Variants in SHD observed in about 807,000 individuals in gnomAD.
SHD encodes SH2 domain-containing adapter protein D.
SHD carries 29 observed loss-of-function variants against 31.2 expected under a neutral mutation model. That is an observed-to-expected ratio of 0.93 (90% confidence interval 0.69 to 1.27). The LOEUF (loss-of-function observed/expected upper bound fraction) is 1.27, where lower values mean the gene tolerates loss of function less well. SHD is among the 50% of genes most tolerant of loss of function. SHD has a pLI of 0.00. For synonymous variants in SHD, 208 were observed against 187.8 expected (o/e 1.11, Z -0.88); for missense variants, 520 against 453.8 (o/e 1.15, Z -1.33).
At position 4,279,884 on chromosome 19, in the gene SHD, T is replaced by G. The variant is rs1971238343; in HGVS notation, c.-180T>G. On this transcript the variant is annotated 5_prime_UTR_variant, in exon 1 of 6. Coordinates refer to ENST00000543264, the MANE Select transcript of SHD (RefSeq NM_020209.4). The surrounding 1 kb of genome is among the most constrained non-coding windows in gnomAD (Gnocchi z 7.5). ...TGTCGCCTCCTTTTCCTCCCCCTCG[T>G]TCACCTTTTCCTTCCCTCTATCCAT... 1.4e-6 allele frequency: 1 copy of G among 705,518 alleles called. No homozygotes were observed. The highest frequency in any genetic ancestry group is 2.3e-6 in the Non-Finnish European group (1 of 438,146). The allele number at this position is 705,518 out of a possible 1,614,324, so 43.7% of individuals were successfully genotyped here. A position where few individuals can be genotyped will look rare whatever the true frequency, so the allele number is the denominator to read the frequency against.
chr19:4,280,255 G>A lies in SHD; in HGVS notation c.192G>A (p.Lys64=), dbSNP rs1971243754. The change falls in exon 1 of 6, where the codon AAG becomes AAA. Residue 64 remains lysine (K), a synonymous_variant. Transcript: ENST00000543264. ...ACCCCGCGGGCCCTGGGGACTCCAA[G>A]AACCCCGGAGATGCCAAGTATGGTT... ...EPDPAGPGDS[K]NPGDAKYGSP... is the part of the protein sequence containing the mutation. 6.2e-7 allele frequency: 1 copy of A among 1,613,660 alleles called. No individual in the cohort carries two copies. Among genetic ancestry groups the A allele is most frequent in the African/African-American group, 1.3e-5 (1 of 75,050 alleles).
Position 4,279,504 on chromosome 19 carries a change from C to T in SHD, c.-560C>T, listed in dbSNP as rs1971232945. The T allele has an allele frequency of 6.6e-6, 1 of 152,348 alleles. No homozygotes were observed. The highest frequency in any genetic ancestry group is 6.5e-5 in the Admixed American group (1 of 15,286). The allele number at this position is 152,348 out of a possible 1,614,324, so 9.4% of individuals were successfully genotyped here. On this transcript the variant is annotated 5_prime_UTR_variant, in exon 1 of 6. Coordinates refer to ENST00000543264, the MANE Select transcript of SHD (RefSeq NM_020209.4). The surrounding 1 kb of genome is among the most constrained non-coding windows in gnomAD (Gnocchi z 7.5). ...GAGAGGAGCGCGACAAAGGATGCGT[C>T]CCGCCGGGGTCACAGTCTCCGCGGC...
At chr19:4,285,163 C>T (rs1377421609) in intron 4 of SHD, among the ~76,000 whole-genome samples, 1 of 152,196 alleles carries the variant, frequency 6.6e-6, no homozygotes, top group Non-Finnish European at 1.5e-5. Flanking sequence ...CTCTCCTCTC[C>T]TGGCTGTGTA....
In SHD at chr19:4,284,860, G is replaced by A. The variant is rs1333224090; in HGVS notation, c.672G>A (p.Gln224=). The change falls in exon 4 of 6, where the codon CAG becomes CAA. Residue 224 remains glutamine (Q), a synonymous_variant. Transcript: ENST00000543264. Reference sequence around the variant, plus strand: ...GGAGACCTCCGCCCAGAAGCCCCCAGCCTGCGGAGCGTGTGGACCCAGCCC... The same window carrying A: ...GGAGACCTCCGCCCAGAAGCCCCCAACCTGCGGAGCGTGTGGACCCAGCCC... ...ELRRPPPRSP[Q]PAERVDPALP... 6.2e-7 allele frequency: 1 copy of A among 1,612,548 alleles called. No homozygotes were observed. Among genetic ancestry groups the A allele is most frequent in the Non-Finnish European group, 8.5e-7 (1 of 1,179,566 alleles).
chr19:4,282,560 C>G, intron 1 of SHD, among the ~76,000 whole-genome samples: 1 of 151,826 alleles, frequency 6.6e-6, no homozygotes, highest in Non-Finnish European at 1.5e-5. Context: ...CCCATCTCTA[C>G]AAAAAGTTAG....
chr19:4,284,888 C>A lies in SHD; in HGVS notation c.700C>A (p.Pro234Thr), dbSNP rs527426050. 1.2e-6 allele frequency: 2 copies of A among 1,601,212 alleles called. No individual in the cohort carries two copies. The highest frequency in any genetic ancestry group is 1.7e-6 in the Non-Finnish European group (2 of 1,172,572). The stretch of plus-strand genomic sequence containing the variant: ...TGCGGAGCGTGTGGACCCAGCCCTG[C>A]CCCTGGAGAAACAGCCGTGAGTGGG... ...QPAERVDPAL[P>T]LEKQPWFHGP... The change falls in exon 4 of 6, where the codon CCC (proline) becomes ACC (threonine). Residue 234 changes from proline (P) to threonine (T), a missense_variant. Transcript: ENST00000543264.
In SHD at chr19:4,280,298, A is replaced by G. The variant is rs1971244405; in HGVS notation, c.235A>G (p.Ile79Val). 1.2e-6 allele frequency: 2 copies of G among 1,609,788 alleles called. No individual in the cohort carries two copies. The highest frequency in any genetic ancestry group is 1.1e-5 in the South Asian group (1 of 90,384). The change falls in exon 1 of 6, where the codon ATC becomes GTC. Residue 79 changes from isoleucine to valine, a missense_variant. Transcript: ENST00000543264. ...AKYGSPKHRL[I>V]KVEAADMARA... ...GTATGGTTCTCCCAAGCACCGGCTC[A>G]TCAAGGTGGAGGCTGCGGATATGGC...
chr19:4,285,045 A>G, intron 4 of SHD, 141 bp downstream of exon 4: 3 of 1,087,806 alleles, frequency 2.8e-6, no homozygotes, highest in Non-Finnish European at 3.7e-6. Context: ...TCTTCAGCTA[A>G]TCTTTACGGG....
Position 4,290,633 on chromosome 19 carries a change from A to C in SHD, c.1023A>C (p.Ter341CysextTer2), listed in dbSNP as rs1971369473. The change falls in exon 6 of 6, where the codon TGA (stop) becomes TGC (cysteine). Residue 341 changes from the stop codon to cysteine, a stop_lost. Coordinates refer to ENST00000543264, the MANE Select transcript of SHD (RefSeq NM_020209.4). ...LLYPVVTQTP[*>C] ...ACCCCGTGGTCACGCAGACCCCCTG[A>C]CAGTGACCCTCGGCCCCCTTTTGAG... is the stretch of plus-strand genomic sequence containing the variant. 1.3e-6 allele frequency: 2 copies of C among 1,593,522 alleles called. No individual in the cohort carries two copies. Among genetic ancestry groups the C allele is most frequent in the African/African-American group, 1.3e-5 (1 of 74,412 alleles).
chr19:4,282,280 T>G (rs1009414551), intron 1 of SHD, among the ~76,000 whole-genome samples: 27 of 151,382 alleles, frequency 1.8e-4, no homozygotes, highest in Middle Eastern at 3.4e-3. Flanking sequence ...ATTAGCCAGG[T>G]TTGGTGGCCG....
At position 4,280,275 on chromosome 19, in the gene SHD, A is replaced by G; in HGVS notation, c.212A>G (p.Tyr71Cys). The G allele has an allele frequency of 6.2e-7, 1 of 1,613,124 alleles. No individual in the cohort carries two copies. Among genetic ancestry groups the G allele is most frequent in the African/African-American group, 1.3e-5 (1 of 75,030 alleles). The change falls in exon 1 of 6, where the codon TAT (tyrosine) becomes TGT (cysteine). Residue 71 changes from tyrosine (Y) to cysteine (C), a missense_variant. Physicochemically the swap from Tyr to Cys is radical, Grantham distance 194. Coordinates refer to ENST00000543264, the MANE Select transcript of SHD (RefSeq NM_020209.4). ...GDSKNPGDAK[Y>C]GSPKHRLIKV... ...TCCAAGAACCCCGGAGATGCCAAGT[A>G]TGGTTCTCCCAAGCACCGGCTCATC...
At position 4,280,319 on chromosome 19, in the gene SHD, A is replaced by C; in HGVS notation, c.256A>C (p.Met86Leu). 6.2e-7 allele frequency: 1 copy of C among 1,600,696 alleles called. No homozygotes were observed. Among genetic ancestry groups the C allele is most frequent in the South Asian group, 1.1e-5 (1 of 89,124 alleles). ...GCTCATCAAGGTGGAGGCTGCGGAT[A>C]TGGCCAGAGCCAAGGCCCTTCTGGG... is the stretch of plus-strand genomic sequence containing the variant. ...HRLIKVEAAD[M>L]ARAKALLGGP... The change falls in exon 1 of 6, where the codon ATG (methionine) becomes CTG (leucine). Residue 86 changes from methionine to leucine, a missense_variant. Transcript: ENST00000543264.
intron 4 of SHD, 97 bp downstream of exon 4, chr19:4,285,001 A>AT: frequency 7.7e-7 from 1 of 1,303,486 alleles, no homozygotes; most frequent in Admixed American, 2.8e-5. Context: ...GATTAGAGGA[A>AT]CTGGGGGAAC....
intron 3 of SHD, 175 bp from the exon 4 acceptor site, chr19:4,284,606 G>T: frequency 4.8e-6 from 3 of 629,740 alleles, no homozygotes; most frequent in Non-Finnish European, 7.3e-6. Flanking sequence ...TCTTAGGAAG[G>T]CCAAAAGGTT....
chr19:4,280,026 C>T lies in SHD; in HGVS notation c.-38C>T. The T allele has an allele frequency of 6.5e-7, 1 of 1,545,344 alleles. No homozygotes were observed. Among genetic ancestry groups the T allele is most frequent in the Middle Eastern group, 1.9e-4 (1 of 5,388 alleles). On this transcript the variant is annotated 5_prime_UTR_variant, in exon 1 of 6. Coordinates refer to ENST00000543264, the MANE Select transcript of SHD (RefSeq NM_020209.4). ...GCCCGGAGAAGGGCATGTGGGGGCCCCTCTGACAGTGGCCCGATTGGGGTG... is the reference window on the plus strand; with the variant it reads ...GCCCGGAGAAGGGCATGTGGGGGCCTCTCTGACAGTGGCCCGATTGGGGTG...
At chr19:4,284,070 G>A (rs529686634) in intron 3 of SHD, among the ~76,000 whole-genome samples, 2 of 151,826 alleles carry the variant, frequency 1.3e-5, no homozygotes, top group Non-Finnish European at 2.9e-5. Flanking sequence ...TTGAGAGGCC[G>A]AGGCGGGTGG....
intron 4 of SHD, among the ~76,000 whole-genome samples, chr19:4,286,226 CTT>C (rs34055445): frequency 8.7e-6 from 1 of 114,942 alleles, no homozygotes; most frequent in African/African-American, 4.8e-5. Context: ...TTCTTTCTTT[CTT>C]TCTTTTCTTT....
At chr19:4,286,255 CTTT>C (rs1971313116) in intron 4 of SHD, among the ~76,000 whole-genome samples, 7 of 108,430 alleles carry the variant, frequency 6.5e-5, no homozygotes, top group Middle Eastern at 4.3e-3. Context: ...TTCTTTCTTT[CTTT>C]CTCTCTTTCT....
intron 4 of SHD, among the ~76,000 whole-genome samples, chr19:4,285,310 G>A (rs958775613): frequency 1.3e-5 from 2 of 152,158 alleles, no homozygotes; most frequent in African/African-American, 4.8e-5. Context: ...TGGTTCTTGG[G>A]ATGGAACCAG....
Sources: gnomAD v4.1 joint callset for allele counts (sites outside exome capture counted in the v4.1 genomes callset) on GRCh38, gnomAD v4.1.1 for gene constraint, Gnocchi (gnomAD v3.1) non-coding constraint, MANE v1.5 for transcripts, NCBI Gene and HGNC (gene_info 2026-07-23, HGNC 2026-07-21) for gene names.